D2HGDH: variants seen among roughly 807,000 people sequenced by gnomAD.
D2HGDH encodes D-2-hydroxyglutarate dehydrogenase, mitochondrial.
D2HGDH carries 31 observed loss-of-function variants against 46.9 expected under a neutral mutation model. The observed-to-expected ratio is 0.66, with a 90% CI of 0.50 to 0.89. D2HGDH has a LOEUF of 0.89. D2HGDH is among the 40% of genes least tolerant of loss of function. D2HGDH has a pLI of 0.00. For missense variants in D2HGDH, 698 were observed against 720.8 expected (o/e 0.97, Z 0.36); for synonymous variants, 364 against 332.6 (o/e 1.09, Z -1.03).
At chr2:241,764,997 G>T (rs1356597677) in intron 9 of D2HGDH, among the ~76,000 whole-genome samples, 2 of 152,222 alleles carry the variant, frequency 1.3e-5, no homozygotes, top group Non-Finnish European at 2.9e-5. Context: ...GCTGCCCTGG[G>T]GGCTCAGTGT....
Position 241,743,922 on chromosome 2 carries a change from G to A in D2HGDH, c.684+107G>A. On this transcript the variant is annotated intron_variant, in intron 5 of 9. Coordinates refer to ENST00000321264, the MANE Select transcript of D2HGDH (RefSeq NM_152783.5). This position sits in a 1 kb window ranked among gnomAD's most constrained non-coding sequence, Gnocchi z 4.8. ...GTGCATGGGGCCCCTCGGGGTGGGA[G>A]GTCTTGGTTCCTGGCCCTGGGCCCC... 1 of 1,311,492 alleles carries A rather than the reference G, an allele frequency of 7.6e-7. No individual in the cohort carries two copies. The highest frequency in any genetic ancestry group is 2.1e-5 in the Admixed American group (1 of 47,492). 81.2% of individuals were successfully genotyped at this position (1,311,492 alleles called of 1,614,324 possible).
intron 9 of D2HGDH, 25 bp downstream of exon 9, chr2:241,756,039 C>T (rs756322770): frequency 1.3e-6 from 2 of 1,585,592 alleles, no homozygotes; most frequent in Admixed American, 3.4e-5. Context: ...GGGGCCGCGG[C>T]CCTGTGTGTG....
chr2:241,750,171 G>A lies in D2HGDH; in HGVS notation c.874G>A (p.Val292Ile). Reference protein sequence around the residue: ...AFLGCPGFAEVLQTFSTCKGM... With the variant: ...AFLGCPGFAEILQTFSTCKGM... ...TTCAGGCTGCCCAGGCTTTGCTGAG[G>A]TTCTGCAGACCTTCAGCACCTGCAA... The change falls in exon 7 of 10, where the codon GTT becomes ATT. Residue 292 changes from valine to isoleucine, a missense_variant. Val to Ile is a conservative substitution (Grantham distance 29). Coordinates refer to ENST00000321264, the MANE Select transcript of D2HGDH (RefSeq NM_152783.5). 6.2e-7 allele frequency: 1 copy of A among 1,614,112 alleles called. No individual in the cohort carries two copies. Among genetic ancestry groups the A allele is most frequent in the Non-Finnish European group, 8.5e-7 (1 of 1,180,030 alleles).
chr2:241,740,566 C>G (rs142766256), intron 2 of D2HGDH, among the ~76,000 whole-genome samples: 2,628 of 152,320 alleles, frequency 0.017, 42 homozygotes, highest in Non-Finnish European at 0.025. Context: ...GTCACCCAGG[C>G]TGGAGTGCAG....
At chr2:241,760,125 C>T (rs913263686) in intron 9 of D2HGDH, among the ~76,000 whole-genome samples, 1 of 110,502 alleles carries the variant, frequency 9.0e-6, no homozygotes, top group South Asian at 2.9e-4. Flanking sequence ...AAGGACTTCG[C>T]CACAGCGTGG....
chr2:241,748,902 G>A (rs776648137), intron 6 of D2HGDH: 11 of 1,298,696 alleles, frequency 8.5e-6, no homozygotes, highest in South Asian at 2.5e-5. Context: ...CTGGGAGCCC[G>A]AGGCCAGCCC....
chr2:241,755,054 A>T (rs935964872), intron 8 of D2HGDH: 6 of 1,301,172 alleles, frequency 4.6e-6, no homozygotes, highest in Non-Finnish European at 5.1e-6. Context: ...GATCTCCACA[A>T]TGGAAGTTCG....
At position 241,767,838 on chromosome 2, in the gene D2HGDH, G is replaced by C; in HGVS notation, c.1435G>C (p.Gly479Arg). The C allele has an allele frequency of 6.2e-7, 1 of 1,612,348 alleles. No individual in the cohort carries two copies. The highest frequency in any genetic ancestry group is 1.1e-5 in the South Asian group (1 of 91,014). Residue 479 changes from glycine (G) to arginine (R), a missense_variant, in exon 10 of 10, where the codon GGC becomes CGC. Coordinates refer to ENST00000321264, the MANE Select transcript of D2HGDH (RefSeq NM_152783.5). Reference sequence around the variant, plus strand: ...CAGCGTCAGCGCGGAGCACGGAGTGGGCTTCAGGAAGAGGGACGTCCTGGG... The same window carrying C: ...CAGCGTCAGCGCGGAGCACGGAGTGCGCTTCAGGAAGAGGGACGTCCTGGG... ...QGSVSAEHGV[G>R]FRKRDVLGYS...
chr2:241,757,819 C>T (rs1698331485), intron 9 of D2HGDH, among the ~76,000 whole-genome samples: 1 of 152,090 alleles, frequency 6.6e-6, no homozygotes, highest in South Asian at 2.1e-4. Context: ...ATTAACTGGG[C>T]ATGGTGGCAG....
rs755959894 is a variant in D2HGDH, at chr2:241,767,881, G to T, written c.1478G>T (p.Gly493Val). Residue 493 changes from glycine (G) to valine (V), a missense_variant, in exon 10 of 10, where the codon GGG (glycine) becomes GTG (valine). Physicochemically the swap from Gly to Val is moderately radical, Grantham distance 109. Coordinates refer to ENST00000321264, the MANE Select transcript of D2HGDH (RefSeq NM_152783.5). ...GTCCTGGGCTACAGCAAGCCACCGG[G>T]GGCCCTGCAGCTCATGCAGCAGCTC... ...RDVLGYSKPP[G>V]ALQLMQQLKA... is the part of the protein sequence containing the mutation. The T allele has an allele frequency of 1.9e-6, 3 of 1,608,486 alleles. No individual in the cohort carries two copies. The highest frequency in any genetic ancestry group is 2.5e-6 in the Non-Finnish European group (3 of 1,177,926).
intron 2 of D2HGDH, among the ~76,000 whole-genome samples, chr2:241,736,738 T>TG (rs1198510961): frequency 1.3e-5 from 2 of 151,742 alleles, no homozygotes; most frequent in Non-Finnish European, 2.9e-5. Flanking sequence ...GGTGCAATCT[T>TG]GGCTCACTGC....
At chr2:241,735,653 C>T (rs764939861) in intron 2 of D2HGDH, 137 bp downstream of exon 2, 32 of 1,189,326 alleles carry the variant, frequency 2.7e-5, no homozygotes, top group Non-Finnish European at 3.7e-5. Context: ...GCGTGTGCAC[C>T]GCCACAGGCT....
chr2:241,754,854 C>T (rs1476114742), intron 8 of D2HGDH: 4 of 441,538 alleles, frequency 9.1e-6, no homozygotes, highest in African/African-American at 6.2e-5. Context: ...CCTCCTGCCT[C>T]AGCCTCCCAA....
chr2:241,767,973 C>T lies in D2HGDH; in HGVS notation c.*4C>T, dbSNP rs1267732093. 3 of 1,584,708 alleles carry T rather than the reference C, an allele frequency of 1.9e-6. No individual in the cohort carries two copies. The highest frequency in any genetic ancestry group is 2.3e-5 in the East Asian group (1 of 43,822). The stretch of plus-strand genomic sequence containing the variant: ...GACGCTGCCCAGCCAGGCCTGACGG[C>T]CACTCCTGCTGCTGCCAAGGCCCAC... On this transcript the variant is annotated 3_prime_UTR_variant, in exon 10 of 10. Coordinates refer to ENST00000321264, the MANE Select transcript of D2HGDH (RefSeq NM_152783.5).
Position 241,751,393 on chromosome 2 carries a change from C to T in D2HGDH, c.1140+5C>T. ...ACCGACCAGAGGAAAGTCAAGGTGC[C>T]CTGTGTCCTGCTTGCAGGTCCCCGC... is the stretch of plus-strand genomic sequence containing the variant. On this transcript the variant is annotated splice_donor_5th_base_variant and intron_variant, in intron 8 of 9. Transcript: ENST00000321264. 6.2e-7 allele frequency: 1 copy of T among 1,613,108 alleles called. No homozygotes were observed. Among genetic ancestry groups the T allele is most frequent in the Non-Finnish European group, 8.5e-7 (1 of 1,180,006 alleles).
intron 2 of D2HGDH, chr2:241,736,218 A>T (rs1440206168): frequency 6.6e-6 from 1 of 152,372 alleles, no homozygotes. Context: ...TAGCCGGCCC[A>T]GGATTGAAAA....
At position 241,750,328 on chromosome 2, in the gene D2HGDH, T is replaced by C. The variant is rs375093289; in HGVS notation, c.997+34T>C. On this transcript the variant is annotated intron_variant, in intron 7 of 9. Transcript: ENST00000321264. The stretch of plus-strand genomic sequence containing the variant: ...CCCCCACACAGGGGGCAGCTGGTCC[T>C]GCAGCTCCTTCTGCACGTCTGGACA... The C allele has an allele frequency of 2.1e-6, 3 of 1,412,896 alleles. No individual in the cohort carries two copies. In the African/African-American group the frequency reaches 4.4e-5, roughly 21 times the overall value. 87.5% of individuals were successfully genotyped at this position (1,412,896 alleles called of 1,614,324 possible). A position where few individuals can be genotyped will look rare whatever the true frequency, so the allele number is the denominator to read the frequency against.
chr2:241,757,824 TGGCA>T (rs1698331957), intron 9 of D2HGDH, among the ~76,000 whole-genome samples: 1 of 152,088 alleles, frequency 6.6e-6, no homozygotes, highest in Admixed American at 6.5e-5. Flanking sequence ...CTGGGCATGG[TGGCA>T]GGCACCTGTA....
At position 241,755,916 on chromosome 2, in the gene D2HGDH, A is replaced by T. The variant is rs1217990999; in HGVS notation, c.1208A>T (p.Asp403Val). The T allele has an allele frequency of 6.2e-7, 1 of 1,612,218 alleles. No homozygotes were observed. The highest frequency in any genetic ancestry group is 8.5e-7 in the Non-Finnish European group (1 of 1,179,380). ...CGGGATGGCTACGTGTACAAGTACGACCTCTCCCTCCCTGTGGAGCGGCTC... is the reference window on the plus strand; with the variant it reads ...CGGGATGGCTACGTGTACAAGTACGTCCTCTCCCTCCCTGTGGAGCGGCTC... ...LSRDGYVYKY[D>V]LSLPVERLYD... Residue 403 changes from aspartate (D) to valine (V), a missense_variant, in exon 9 of 10, where the codon GAC becomes GTC. Physicochemically the swap from Asp to Val is radical, Grantham distance 152. Coordinates refer to ENST00000321264, the MANE Select transcript of D2HGDH (RefSeq NM_152783.5).
Sources: gnomAD v4.1 joint callset for allele counts (sites outside exome capture counted in the v4.1 genomes callset) on GRCh38, gnomAD v4.1.1 for gene constraint, Gnocchi (gnomAD v3.1) non-coding constraint, MANE v1.5 for transcripts, NCBI Gene and HGNC (gene_info 2026-07-23, HGNC 2026-07-21) for gene names.